ZNRF1: variants seen among roughly 807,000 people sequenced by gnomAD.
ZNRF1 encodes the protein E3 ubiquitin-protein ligase ZNRF1.
A neutral mutation model predicts 18.4 loss-of-function variants in ZNRF1; 3 were observed. The ratio of observed to expected loss-of-function variants is 0.16; its 90% CI spans 0.07 to 0.42. The LOEUF (loss-of-function observed/expected upper bound fraction) is 0.42, where lower values mean the gene tolerates loss of function less well. ZNRF1 is among the 10% of genes least tolerant of loss of function. The pLI is 0.99. For missense variants in ZNRF1, 310 were observed against 329.8 expected, an observed-to-expected ratio of 0.94 and a Z score of 0.47; for synonymous variants, 157 against 144.2, an observed-to-expected ratio of 1.09 and a Z score of -0.64.
rs1030326317 is a variant in ZNRF1 at position 75,110,587 on chromosome 16, C to T, written c.*2887C>T. Reference sequence around the variant, plus strand: ...ATAGTTCCCCCCAAAATACACAAAGCAAATAAGGCCAAAATGTTCATTGTT... The same window carrying T: ...ATAGTTCCCCCCAAAATACACAAAGTAAATAAGGCCAAAATGTTCATTGTT... On this transcript the variant is annotated 3_prime_UTR_variant, in exon 5 of 5. Coordinates refer to ENST00000335325, the MANE Select transcript of ZNRF1 (RefSeq NM_032268.5). 1 of 152,216 alleles carries T rather than the reference C, an allele frequency of 6.6e-6. No individual in the cohort carries two copies. The highest frequency in any genetic ancestry group is 1.5e-5 in the Non-Finnish European group (1 of 68,050). The allele number at this position is 152,216 out of a possible 1,614,324, so 9.4% of individuals were successfully genotyped here. A position where few individuals can be genotyped will look rare whatever the true frequency, so the allele number is the denominator to read the frequency against.
chr16:75,087,711 C>A (rs945309755), intron 1 of ZNRF1, among the ~76,000 whole-genome samples: 3 of 152,228 alleles, frequency 2.0e-5, no homozygotes, highest in Non-Finnish European at 4.4e-5. Flanking sequence ...CAGAAAAGGA[C>A]AAGGAACCCG....
intron 1 of ZNRF1, among the ~76,000 whole-genome samples, chr16:75,089,974 G>A (rs1387763374): frequency 6.6e-6 from 1 of 152,180 alleles, no homozygotes; most frequent in Admixed American, 6.5e-5. Flanking sequence ...CTTAGTCACA[G>A]GTCACTTTAA....
At chr16:75,041,991 C>A (rs949274995) in intron 1 of ZNRF1, among the ~76,000 whole-genome samples, 3 of 151,998 alleles carry the variant, frequency 2.0e-5, no homozygotes, top group Non-Finnish European at 4.4e-5. Context: ...AGCAAAACTC[C>A]GTCTCAAAAA....
At chr16:75,098,417 A>G (rs1416605702) in intron 2 of ZNRF1, among the ~76,000 whole-genome samples, 1 of 152,052 alleles carries the variant, frequency 6.6e-6, no homozygotes, top group East Asian at 1.9e-4. Flanking sequence ...GCTCACCAAA[A>G]CAATTGCATT....
intron 1 of ZNRF1, among the ~76,000 whole-genome samples, chr16:75,082,892 T>G (rs2036030749): frequency 6.6e-6 from 1 of 152,244 alleles, no homozygotes; most frequent in Non-Finnish European, 1.5e-5. Context: ...GAATTCAGTC[T>G]GTATGATTTT....
intron 1 of ZNRF1, among the ~76,000 whole-genome samples, chr16:75,072,187 G>A (rs554992565): frequency 1.3e-5 from 2 of 152,020 alleles, no homozygotes; most frequent in East Asian, 1.9e-4. Context: ...GCCCTGGCTG[G>A]TCTCGAACCC....
At chr16:75,010,911 A>T (rs12923223) in intron 1 of ZNRF1, among the ~76,000 whole-genome samples, 61 of 151,820 alleles carry the variant, frequency 4.0e-4, no homozygotes, top group African/African-American at 1.4e-3. Flanking sequence ...GGTTTCGCCA[A>T]TTGGCCAGGC....
At chr16:75,099,312 C>G (rs2036231244) in intron 2 of ZNRF1, among the ~76,000 whole-genome samples, 1 of 152,166 alleles carries the variant, frequency 6.6e-6, no homozygotes, top group East Asian at 1.9e-4. Context: ...TCCCAGATAT[C>G]TTTGCTTTGA....
chr16:75,034,306 T>TTCCCTC (rs1388088038), intron 1 of ZNRF1, among the ~76,000 whole-genome samples: 1 of 152,186 alleles, frequency 6.6e-6, no homozygotes, highest in African/African-American at 2.4e-5. Context: ...TGCTTTCCAT[T>TTCCCTC]TCCCTCTCCC....
At chr16:75,068,649 C>T (rs1467261001) in intron 1 of ZNRF1, among the ~76,000 whole-genome samples, 1 of 152,106 alleles carries the variant, frequency 6.6e-6, no homozygotes, top group Non-Finnish European at 1.5e-5. Context: ...GTGTGAGGGC[C>T]TCCGAGACCA....
intron 1 of ZNRF1, among the ~76,000 whole-genome samples, chr16:75,089,289 A>G (rs2036109375): frequency 1.3e-5 from 2 of 152,106 alleles, no homozygotes; most frequent in African/African-American, 4.8e-5. Flanking sequence ...AAAAGTTTTT[A>G]ATAGAGACGG....
intron 1 of ZNRF1, among the ~76,000 whole-genome samples, chr16:75,059,999 GTA>G (rs2035721758): frequency 6.6e-6 from 1 of 152,074 alleles, no homozygotes; most frequent in East Asian, 1.9e-4. Flanking sequence ...TCTCTCAGTT[GTA>G]GAAACCCAGG....
In ZNRF1 at chr16:74,999,949, C is replaced by G. The variant is rs377731800; in HGVS notation, c.278C>G (p.Ser93Cys). ...GCGCCCGGCGGCGGAGGGTCTGCGT[C>G]CGACTCCACCTATGCCCATGGCAAT... The part of the protein sequence containing the change: ...ERAPGGGGSA[S>C]DSTYAHGNGY... Residue 93 changes from serine (S) to cysteine (C), a missense_variant, in exon 1 of 5, where the codon TCC becomes TGC. Coordinates refer to ENST00000335325, the MANE Select transcript of ZNRF1 (RefSeq NM_032268.5). The G allele has an allele frequency of 1.3e-6, 2 of 1,573,596 alleles. No homozygotes were observed. Among genetic ancestry groups the G allele is most frequent in the Non-Finnish European group, 8.6e-7 (1 of 1,160,620 alleles).
In ZNRF1 at chr16:75,050,659, G is replaced by A. The variant is rs1329108656; in HGVS notation, c.425-42913G>A. ...CAAGGCGGGCGGATCACGAGGTCAG[G>A]AGATCGAGACCATCCTGGCTAACAC... On this transcript the variant is annotated intron_variant, in intron 1 of 4. Coordinates refer to ENST00000335325, the MANE Select transcript of ZNRF1 (RefSeq NM_032268.5). Among the ~76,000 whole-genome samples, 4 of 151,396 alleles carry A rather than the reference G, an allele frequency of 2.6e-5. No individual in the cohort carries two copies. The East Asian group carries it at 5.9e-4, about 22-fold the overall frequency.
chr16:75,017,174 G>A (rs1011686370), intron 1 of ZNRF1, among the ~76,000 whole-genome samples: 22 of 152,098 alleles, frequency 1.4e-4, no homozygotes, highest in African/African-American at 5.3e-4. Flanking sequence ...ACAAAAACTG[G>A]TTAGCTATTT....
intron 1 of ZNRF1, among the ~76,000 whole-genome samples, chr16:75,065,224 T>C (rs2035788004): frequency 6.6e-6 from 1 of 152,192 alleles, no homozygotes; most frequent in Admixed American, 6.5e-5. Context: ...GGCTGTTCAC[T>C]TCTTACTCTA....
chr16:75,027,992 C>T (rs1772948234), intron 1 of ZNRF1, among the ~76,000 whole-genome samples: 1 of 152,146 alleles, frequency 6.6e-6, no homozygotes, highest in African/African-American at 2.4e-5. Context: ...GCCACCGTAT[C>T]CACCCACGTG....
At chr16:75,106,853 G>A (rs2036322287) in intron 4 of ZNRF1, 1 of 308,124 alleles carries the variant, frequency 3.2e-6, no homozygotes, top group African/African-American at 2.1e-5. Flanking sequence ...AGAAAGTTCA[G>A]GAATATCCCC....
intron 1 of ZNRF1, among the ~76,000 whole-genome samples, chr16:75,007,965 A>G (rs917927457): frequency 6.6e-6 from 1 of 152,204 alleles, no homozygotes; most frequent in Non-Finnish European, 1.5e-5. Flanking sequence ...CCTGGTCTCA[A>G]GCAATTCTCA....
Sources: allele counts gnomAD v4.1 joint callset (sites outside exome capture counted in the v4.1 genomes callset), GRCh38; gene constraint gnomAD v4.1.1; transcripts MANE v1.5; gene names NCBI Gene and HGNC (gene_info 2026-07-23, HGNC 2026-07-21).